ALKBH6: variants seen among roughly 807,000 people sequenced by gnomAD.
The protein encoded by ALKBH6 is probable RNA/DNA demethylase ALKBH6.
ALKBH6 carries 20 observed loss-of-function variants against 25.1 expected under a neutral mutation model. That is an observed-to-expected ratio of 0.80 (90% CI 0.56 to 1.16). The LOEUF (loss-of-function observed/expected upper bound fraction) is 1.16, where lower values mean the gene tolerates loss of function less well. Among genes scored for constraint, ALKBH6 ranks in the 50% most tolerant of loss-of-function variants. The pLI is 0.00. For synonymous variants in ALKBH6, 156 were observed against 147.5 expected, an observed-to-expected ratio of 1.06 and a Z score of -0.42; for missense variants, 263 against 326.5, an observed-to-expected ratio of 0.81 and a Z score of 1.50.
intron 6 of ALKBH6, among the ~76,000 whole-genome samples, 192 bp from the exon 7 acceptor site, chr19:36,009,745 G>A (rs1236388501): frequency 6.6e-6 from 1 of 151,938 alleles, no homozygotes; most frequent in Non-Finnish European, 1.5e-5. Context: ...GCTGGAAAGG[G>A]AGGGCGAGGG....
In ALKBH6 at chr19:36,013,200, T is replaced by C; in HGVS notation, c.55-111A>G. Reference sequence around the variant, plus strand: ...CAGGCTCAGGATGTCCTCAGACAGGTCAGGGTCTAAAGTCAAGGGACCAGT... The same window carrying C: ...CAGGCTCAGGATGTCCTCAGACAGGCCAGGGTCTAAAGTCAAGGGACCAGT... On this transcript the variant is annotated intron_variant, in intron 2 of 6. Transcript: ENST00000378875. The surrounding 1 kb of genome is among the most constrained non-coding windows in gnomAD (Gnocchi z 4.6). 1.4e-6 allele frequency: 2 copies of C among 1,441,438 alleles called. No individual in the cohort carries two copies. The highest frequency in any genetic ancestry group is 1.9e-6 in the Non-Finnish European group (2 of 1,029,648). 89.3% of individuals were successfully genotyped at this position (1,441,438 alleles called of 1,614,324 possible). A position where few individuals can be genotyped will look rare whatever the true frequency, so the allele number is the denominator to read the frequency against.
Position 36,013,851 on chromosome 19 carries a change from A to T in ALKBH6, c.-26+324T>A. 8.6e-7 allele frequency: 1 copy of T among 1,162,062 alleles called. No individual in the cohort carries two copies. 72.0% of individuals were successfully genotyped at this position (1,162,062 alleles called of 1,614,324 possible). On this transcript the variant is annotated intron_variant, in intron 1 of 6. Transcript: ENST00000378875. This position sits in a 1 kb window ranked among gnomAD's most constrained non-coding sequence, Gnocchi z 4.6. ...CAACACTCAGCGACCCCCGCCCCCCACCGAATCCCATTCTGTGCACTCCTG... is the reference window on the plus strand; with the variant it reads ...CAACACTCAGCGACCCCCGCCCCCCTCCGAATCCCATTCTGTGCACTCCTG...
At position 36,010,566 on chromosome 19, in the gene ALKBH6, C is replaced by T. The variant is rs1968573606; in HGVS notation, c.453+1G>A. ...AGCTGGGGCAGTGTCTGGGGGCCCA[C>T]CTGTTCTGTAGGGTCATCGTCCTCT... On this transcript the variant is annotated splice_donor_variant, in intron 6 of 6. Transcript: ENST00000378875. LOFTEE classifies it high-confidence loss of function. This position sits in a 1 kb window ranked among gnomAD's most constrained non-coding sequence, Gnocchi z 5.5. 3.7e-6 allele frequency: 6 copies of T among 1,613,112 alleles called. No homozygotes were observed. The South Asian group carries it at 4.4e-5, about 12-fold the overall frequency.
chr19:36,010,703 G>T lies in ALKBH6; in HGVS notation c.337-20C>A. On this transcript the variant is annotated intron_variant, in intron 5 of 6. Transcript: ENST00000378875. This position sits in a 1 kb window ranked among gnomAD's most constrained non-coding sequence, Gnocchi z 5.5. ...GTGGGGCTAGGGAGTGGGCACCAGG[G>T]CTGGGCAGGGCAGGAGTCCACAACC... 6.2e-7 allele frequency: 1 copy of T among 1,608,030 alleles called. No individual in the cohort carries two copies. The highest frequency in any genetic ancestry group is 1.7e-5 in the Admixed American group (1 of 59,934).
In ALKBH6 at chr19:36,013,868, G is replaced by T. The variant is rs934760851; in HGVS notation, c.-26+307C>A. On this transcript the variant is annotated intron_variant, in intron 1 of 6. Coordinates refer to ENST00000378875, the MANE Select transcript of ALKBH6 (RefSeq NM_032878.5). This position sits in a 1 kb window ranked among gnomAD's most constrained non-coding sequence, Gnocchi z 4.6. ...CGCCCCCCACCGAATCCCATTCTGT[G>T]CACTCCTGTGACCCCAATCTGAGCC... 1.6e-5 allele frequency: 21 copies of T among 1,309,324 alleles called. No individual in the cohort carries two copies. Among genetic ancestry groups the T allele is most frequent in the Non-Finnish European group, 1.9e-5 (20 of 1,030,344 alleles). The allele number at this position is 1,309,324 out of a possible 1,614,324, so 81.1% of individuals were successfully genotyped here. A position where few individuals can be genotyped will look rare whatever the true frequency, so the allele number is the denominator to read the frequency against.
At position 36,010,865 on chromosome 19, in the gene ALKBH6, G is replaced by A; in HGVS notation, c.336+29C>T. 2.5e-6 allele frequency: 4 copies of A among 1,613,682 alleles called. No homozygotes were observed. The highest frequency in any genetic ancestry group is 2.2e-5 in the East Asian group (1 of 44,866). On this transcript the variant is annotated intron_variant, in intron 5 of 6. Coordinates refer to ENST00000378875, the MANE Select transcript of ALKBH6 (RefSeq NM_032878.5). The surrounding 1 kb of genome is among the most constrained non-coding windows in gnomAD (Gnocchi z 5.5). Reference sequence around the variant, plus strand: ...CAGCACAGCTCAGAAGTCTGAGTGGGGGGACACGGGCCGAGGGTGTGTGGT... The same window carrying A: ...CAGCACAGCTCAGAAGTCTGAGTGGAGGGACACGGGCCGAGGGTGTGTGGT...
chr19:36,013,120 C>T lies in ALKBH6; in HGVS notation c.55-31G>A, dbSNP rs781302320. 3.2e-6 allele frequency: 5 copies of T among 1,586,292 alleles called. No homozygotes were observed. The highest frequency in any genetic ancestry group is 4.3e-6 in the Non-Finnish European group (5 of 1,154,912). Reference sequence around the variant, plus strand: ...ATAGAAAGACCCCCTGAAGGTGTGGCCCTTCAACCCACACAGAGGACATAT... The same window carrying T: ...ATAGAAAGACCCCCTGAAGGTGTGGTCCTTCAACCCACACAGAGGACATAT... On this transcript the variant is annotated intron_variant, in intron 2 of 6. Coordinates refer to ENST00000378875, the MANE Select transcript of ALKBH6 (RefSeq NM_032878.5). This position sits in a 1 kb window ranked among gnomAD's most constrained non-coding sequence, Gnocchi z 4.6.
chr19:36,013,579 C>A lies in ALKBH6; in HGVS notation c.-25-157G>T. The A allele has an allele frequency of 6.9e-7, 1 of 1,440,216 alleles. No individual in the cohort carries two copies. The highest frequency in any genetic ancestry group is 9.1e-7 in the Non-Finnish European group (1 of 1,099,476). 89.2% of individuals were successfully genotyped at this position (1,440,216 alleles called of 1,614,324 possible). A position where few individuals can be genotyped will look rare whatever the true frequency, so the allele number is the denominator to read the frequency against. On this transcript the variant is annotated intron_variant, in intron 1 of 6. Coordinates refer to ENST00000378875, the MANE Select transcript of ALKBH6 (RefSeq NM_032878.5). This position sits in a 1 kb window ranked among gnomAD's most constrained non-coding sequence, Gnocchi z 4.6. ...AGTCTTCAGCATCTTACAAGCCACA[C>A]AGAGAGCCCCTACGTTCCATGCCCG...
upstream of ALKBH6, chr19:36,014,232 A>G (rs761293956): frequency 5.0e-6 from 8 of 1,609,614 alleles, no homozygotes; most frequent in Non-Finnish European, 4.2e-6. Flanking sequence ...CCTCCCAGCC[A>G]TTTCCGCCCC....
chr19:36,013,552 T>C lies in ALKBH6; in HGVS notation c.-25-130A>G. The C allele has an allele frequency of 6.8e-7, 1 of 1,471,118 alleles. No homozygotes were observed. Among genetic ancestry groups the C allele is most frequent in the South Asian group, 1.4e-5 (1 of 72,862 alleles). The allele number at this position is 1,471,118 out of a possible 1,614,324, so 91.1% of individuals were successfully genotyped here. A position where few individuals can be genotyped will look rare whatever the true frequency, so the allele number is the denominator to read the frequency against. On this transcript the variant is annotated intron_variant, in intron 1 of 6. Transcript: ENST00000378875. This position sits in a 1 kb window ranked among gnomAD's most constrained non-coding sequence, Gnocchi z 4.6. Reference sequence around the variant, plus strand: ...TGAAACGCACTTGGTCTCTAAAATCTGAGTCTTCAGCATCTTACAAGCCAC... The same window carrying C: ...TGAAACGCACTTGGTCTCTAAAATCCGAGTCTTCAGCATCTTACAAGCCAC...
Position 36,009,538 on chromosome 19 carries a change from G to T in ALKBH6, c.469C>A (p.Arg157=). The change falls in exon 7 of 7, where the codon CGG becomes AGG. Residue 157 remains arginine, a synonymous_variant. Transcript: ENST00000378875. ...DPTEQPRPPP[R]PTTSLLLEPR... Reference sequence around the variant, plus strand: ...TCCAGCAGTAGCGAGGTGGTGGGCCGGGGCGGAGGCCGAGGCTGCAGGGCG... The same window carrying T: ...TCCAGCAGTAGCGAGGTGGTGGGCCTGGGCGGAGGCCGAGGCTGCAGGGCG... 8.0e-7 allele frequency: 1 copy of T among 1,257,440 alleles called. No individual in the cohort carries two copies. The highest frequency in any genetic ancestry group is 3.7e-5 in the South Asian group (1 of 26,676). 77.9% of individuals were successfully genotyped at this position (1,257,440 alleles called of 1,614,324 possible). A position where few individuals can be genotyped will look rare whatever the true frequency, so the allele number is the denominator to read the frequency against.
chr19:36,010,786 G>A lies in ALKBH6; in HGVS notation c.337-103C>T, dbSNP rs1180500678. 3 of 1,569,310 alleles carry A rather than the reference G, an allele frequency of 1.9e-6. No homozygotes were observed. The African/African-American group carries it at 4.1e-5, about 21-fold the overall frequency. On this transcript the variant is annotated intron_variant, in intron 5 of 6. Transcript: ENST00000378875. This position sits in a 1 kb window ranked among gnomAD's most constrained non-coding sequence, Gnocchi z 5.5. ...GCCAGGGACAGGGAGGTGAATGCCT[G>A]TTTGGGAGATGTGGCTGCCTAATGA...
rs776737494 is a variant in ALKBH6, at chr19:36,010,520, G to C, written c.453+47C>G. ...GACCAGGTCATCTTGGAGGATGTGC[G>C]AGGTTGAAGTGCCTACAAGCAGCTG... is the stretch of plus-strand genomic sequence containing the variant. On this transcript the variant is annotated intron_variant, in intron 6 of 6. Transcript: ENST00000378875. This position sits in a 1 kb window ranked among gnomAD's most constrained non-coding sequence, Gnocchi z 5.5. 2.7e-6 allele frequency: 4 copies of C among 1,506,262 alleles called. No homozygotes were observed. The highest frequency in any genetic ancestry group is 1.4e-5 in the African/African-American group (1 of 72,574). The allele number at this position is 1,506,262 out of a possible 1,614,324, so 93.3% of individuals were successfully genotyped here. A position where few individuals can be genotyped will look rare whatever the true frequency, so the allele number is the denominator to read the frequency against.
intron 1 of ALKBH6, 137 bp downstream of exon 1, chr19:36,014,038 C>T: frequency 6.6e-7 from 1 of 1,511,028 alleles, no homozygotes; most frequent in African/African-American, 1.4e-5. Context: ...CTCCCTGAAC[C>T]ATTCAGATCC....
rs758579522 is a variant in ALKBH6, at chr19:36,010,606, G to A, written c.414C>T (p.Tyr138=). Residue 138 remains tyrosine, a synonymous_variant, in exon 6 of 7, where the codon TAC becomes TAT. Coordinates refer to ENST00000378875, the MANE Select transcript of ALKBH6 (RefSeq NM_032878.5). The surrounding 1 kb of genome is among the most constrained non-coding windows in gnomAD (Gnocchi z 5.5). The part of the protein sequence containing the change: ...SLGSHTVLDF[Y]EPRRPEDDDP... ...CATCGTCCTCTGGCCGCCGCGGCTCGTAGAAGTCCAGCACGGTGTGGGAGC... is the reference window on the plus strand; with the variant it reads ...CATCGTCCTCTGGCCGCCGCGGCTCATAGAAGTCCAGCACGGTGTGGGAGC... 54 of 1,613,876 alleles carry A rather than the reference G, an allele frequency of 3.3e-5. No individual in the cohort carries two copies. Among genetic ancestry groups the A allele is most frequent in the Non-Finnish European group, 4.1e-5 (48 of 1,179,936 alleles).
At position 36,009,140 on chromosome 19, in the gene ALKBH6, T is replaced by C. The variant is rs1436377629; in HGVS notation, c.*150A>G. 8.6e-7 allele frequency: 1 copy of C among 1,166,654 alleles called. No homozygotes were observed. The allele number at this position is 1,166,654 out of a possible 1,614,324, so 72.3% of individuals were successfully genotyped here. ...CCAAGGAAAGATTTTTTTGTTTATT[T>C]GGTATGGGGTCTTCTGTAGCTCACA... On this transcript the variant is annotated 3_prime_UTR_variant, in exon 7 of 7. Coordinates refer to ENST00000378875, the MANE Select transcript of ALKBH6 (RefSeq NM_032878.5).
chr19:36,013,210 A>T lies in ALKBH6; in HGVS notation c.55-121T>A. ...ATGTCCTCAGACAGGTCAGGGTCTA[A>T]AGTCAAGGGACCAGTGCCATTCCAG... On this transcript the variant is annotated intron_variant, in intron 2 of 6. Transcript: ENST00000378875. The surrounding 1 kb of genome is among the most constrained non-coding windows in gnomAD (Gnocchi z 4.6). 6.9e-7 allele frequency: 1 copy of T among 1,451,884 alleles called. No homozygotes were observed. The highest frequency in any genetic ancestry group is 9.6e-7 in the Non-Finnish European group (1 of 1,039,444). The allele number at this position is 1,451,884 out of a possible 1,614,324, so 89.9% of individuals were successfully genotyped here.
chr19:36,009,381 G>C lies in ALKBH6; in HGVS notation c.626C>G (p.Pro209Arg), dbSNP rs1599682169. ...GGTGCCGCGCACCAGGCAGGCTCCC[G>C]GCCGCGCCGACGGGCAGGCTGCCGC... Reference protein sequence around the residue: ...PNAAACPSARPGACLVRGTRV... With the variant: ...PNAAACPSARRGACLVRGTRV... The change falls in exon 7 of 7, where the codon CCG (proline) becomes CGG (arginine). Residue 209 changes from proline (P) to arginine (R), a missense_variant. Physicochemically the swap from Pro to Arg is moderately radical, Grantham distance 103 (BLOSUM62 -2). This residue lies in a region of ALKBH6 where 148 missense variants were observed against 157.5 expected (regional missense o/e 0.94). Coordinates refer to ENST00000378875, the MANE Select transcript of ALKBH6 (RefSeq NM_032878.5). 2 of 1,260,232 alleles carry C rather than the reference G, an allele frequency of 1.6e-6. No individual in the cohort carries two copies. Among genetic ancestry groups the C allele is most frequent in the African/African-American group, 3.1e-5 (2 of 64,494 alleles). The allele number at this position is 1,260,232 out of a possible 1,614,324, so 78.1% of individuals were successfully genotyped here.
Position 36,013,713 on chromosome 19 carries a change from CA to C in ALKBH6, c.-25-292del. On this transcript the variant is annotated intron_variant, in intron 1 of 6. Coordinates refer to ENST00000378875, the MANE Select transcript of ALKBH6 (RefSeq NM_032878.5). This position sits in a 1 kb window ranked among gnomAD's most constrained non-coding sequence, Gnocchi z 4.6. ...CCACAGAGAACATTCTCTGGCCCCA[CA>C]CACAGGGAGCCTTTCTCAAAAGCTC... 7.9e-7 allele frequency: 1 copy of C among 1,273,708 alleles called. No homozygotes were observed. The highest frequency in any genetic ancestry group is 9.9e-7 in the Non-Finnish European group (1 of 1,005,880). The allele number at this position is 1,273,708 out of a possible 1,614,324, so 78.9% of individuals were successfully genotyped here. A position where few individuals can be genotyped will look rare whatever the true frequency, so the allele number is the denominator to read the frequency against.
Sources: allele counts gnomAD v4.1 joint callset (sites outside exome capture counted in the v4.1 genomes callset), GRCh38; gene constraint gnomAD v4.1.1; regional missense constraint gnomAD v4.1.1; non-coding constraint Gnocchi (gnomAD v3.1); transcripts MANE v1.5; gene names NCBI Gene and HGNC (gene_info 2026-07-23, HGNC 2026-07-21).